AGBL1: variants seen among roughly 807,000 people sequenced by gnomAD.
The protein encoded by AGBL1 is cytosolic carboxypeptidase 4.
In AGBL1, 130 loss-of-function variants were observed where a neutral mutation model predicts 118.9. The ratio of observed to expected loss-of-function variants is 1.09; its 90% CI spans 0.95 to 1.26. AGBL1 has a LOEUF of 1.26. Among genes scored for constraint, AGBL1 ranks in the 50% most tolerant of loss-of-function variants. The pLI is 0.00. For synonymous variants in AGBL1, 555 were observed against 478.9 expected, an observed-to-expected ratio of 1.16 and a Z score of -2.08; for missense variants, 1,584 against 1,298.1, an observed-to-expected ratio of 1.22 and a Z score of -3.38.
intron 24 of AGBL1, among the ~76,000 whole-genome samples, chr15:87,015,091 C>A (rs1023003262): frequency 6.6e-6 from 1 of 152,150 alleles, no homozygotes; most frequent in Non-Finnish European, 1.5e-5. Context: ...GAAAGGGACA[C>A]TCTTCTTCTC....
intron 17 of AGBL1, among the ~76,000 whole-genome samples, chr15:86,349,944 A>C (rs2080599617): frequency 6.6e-6 from 1 of 152,214 alleles, no homozygotes; most frequent in African/African-American, 2.4e-5. Flanking sequence ...AGTTTATAGA[A>C]TTGTTGTGAA....
chr15:86,108,063 C>T (rs960538625), intron 1 of AGBL1, among the ~76,000 whole-genome samples: 2 of 152,204 alleles, frequency 1.3e-5, no homozygotes, highest in Non-Finnish European at 2.9e-5. Flanking sequence ...ATCAGGGCTG[C>T]CTTACAACCC....
chr15:86,701,726 C>A (rs1386545952), intron 22 of AGBL1, among the ~76,000 whole-genome samples: 1 of 146,044 alleles, frequency 6.8e-6, no homozygotes, highest in Non-Finnish European at 1.5e-5. Flanking sequence ...CACTCCCTTC[C>A]CTCCACTCCT....
At chr15:86,722,116 A>G (rs2142724038) in intron 22 of AGBL1, among the ~76,000 whole-genome samples, 1 of 152,282 alleles carries the variant, frequency 6.6e-6, no homozygotes, top group African/African-American at 2.4e-5. Context: ...CATCCCCATC[A>G]AGCTACCAAT....
At chr15:86,839,688 C>T (rs914766802) in intron 22 of AGBL1, among the ~76,000 whole-genome samples, 4 of 152,092 alleles carry the variant, frequency 2.6e-5, no homozygotes, top group African/African-American at 9.7e-5. Context: ...TAAATATTGC[C>T]AAACGTCTCC....
At chr15:86,316,923 G>A (rs2080021423) in intron 17 of AGBL1, 1 of 152,258 alleles carries the variant, frequency 6.6e-6, no homozygotes, top group Non-Finnish European at 1.5e-5. Flanking sequence ...AGTCCTGTGA[G>A]AAGCAGTGCT....
intron 21 of AGBL1, among the ~76,000 whole-genome samples, chr15:86,555,451 T>C (rs1471857582): frequency 6.6e-6 from 1 of 152,180 alleles, no homozygotes; most frequent in Non-Finnish European, 1.5e-5. Context: ...TGACAGGCAA[T>C]GCACATTATC....
At chr15:86,120,144 C>T (rs1267670477) in intron 1 of AGBL1, among the ~76,000 whole-genome samples, 1 of 152,310 alleles carries the variant, frequency 6.6e-6, no homozygotes, top group South Asian at 2.1e-4. Flanking sequence ...CTAAACTCCC[C>T]ATCCTGCCTT....
chr15:86,136,002 C>T (rs7178377), intron 1 of AGBL1, among the ~76,000 whole-genome samples: 28,045 of 152,076 alleles, frequency 0.18, 2,887 homozygotes, highest in East Asian at 0.33. Flanking sequence ...TGTGGGCATT[C>T]TGGTCACTAG....
intron 22 of AGBL1, among the ~76,000 whole-genome samples, chr15:86,732,650 T>C (rs566985414): frequency 6.6e-5 from 10 of 152,312 alleles, no homozygotes; most frequent in African/African-American, 2.4e-4. Context: ...GAAGGCAATA[T>C]AGTATTCACT....
intron 22 of AGBL1, among the ~76,000 whole-genome samples, chr15:86,694,236 G>A (rs1262279462): frequency 3.3e-5 from 5 of 152,108 alleles, no homozygotes; most frequent in Non-Finnish European, 5.9e-5. Flanking sequence ...AGCATGGGAT[G>A]TGTTTCCATT....
intron 22 of AGBL1, among the ~76,000 whole-genome samples, chr15:86,855,961 C>T (rs905707664): frequency 1.3e-5 from 2 of 152,294 alleles, no homozygotes; most frequent in East Asian, 1.9e-4. Flanking sequence ...TCCCTAATGG[C>T]AGCCTTTAAA....
At chr15:86,968,218 A>T (rs915246126) in intron 23 of AGBL1, among the ~76,000 whole-genome samples, 7 of 151,810 alleles carry the variant, frequency 4.6e-5, no homozygotes, top group Non-Finnish European at 8.8e-5. Context: ...GAAGGCCTAG[A>T]TTACCTCCTC....
intron 13 of AGBL1, among the ~76,000 whole-genome samples, chr15:86,269,169 T>A (rs1254907161): frequency 1.3e-5 from 2 of 152,186 alleles, no homozygotes; most frequent in Non-Finnish European, 2.9e-5. Context: ...TGGAGCTGTA[T>A]ATTTAAGATG....
At chr15:86,798,501 C>T (rs1006782707) in intron 22 of AGBL1, among the ~76,000 whole-genome samples, 10 of 151,976 alleles carry the variant, frequency 6.6e-5, no homozygotes, top group African/African-American at 2.4e-4. Flanking sequence ...ACTCTGCTTT[C>T]CTTTGTTACT....
chr15:86,247,275 C>T (rs565203027), intron 6 of AGBL1, among the ~76,000 whole-genome samples: 1 of 152,188 alleles, frequency 6.6e-6, no homozygotes, highest in African/African-American at 2.4e-5. Flanking sequence ...TTCCCTTTAG[C>T]CTCATGTTTT....
intron 22 of AGBL1, among the ~76,000 whole-genome samples, chr15:86,754,423 G>C (rs1288018679): frequency 2.6e-5 from 4 of 152,096 alleles, no homozygotes; most frequent in Non-Finnish European, 5.9e-5. Context: ...TCACCAGGTA[G>C]GTTCTGATGT....
chr15:87,017,941 G>A (rs774929284), intron 24 of AGBL1, among the ~76,000 whole-genome samples: 17 of 148,970 alleles, frequency 1.1e-4, no homozygotes, highest in Non-Finnish European at 2.2e-4. Context: ...AGCCAGTTTC[G>A]AGATGAACAT....
intron 1 of AGBL1, among the ~76,000 whole-genome samples, chr15:86,099,075 A>C (rs188018011): frequency 1.8e-4 from 28 of 152,274 alleles, no homozygotes; most frequent in African/African-American, 6.5e-4. Context: ...GGCACACAGC[A>C]AAAGTTGTGC....
Sources: allele counts gnomAD v4.1 joint callset (sites outside exome capture counted in the v4.1 genomes callset), GRCh38; gene constraint gnomAD v4.1.1; transcripts MANE v1.5; gene names NCBI Gene and HGNC (gene_info 2026-07-23, HGNC 2026-07-21).